STK39: variants seen among roughly 807,000 people sequenced by gnomAD.
The protein encoded by STK39 is STE20/SPS1-related proline-alanine-rich protein kinase.
Under a neutral mutation model 77.8 loss-of-function variants are expected in STK39, and 20 were observed. The ratio of observed to expected loss-of-function variants is 0.26; its 90% CI spans 0.18 to 0.37. The LOEUF (loss-of-function observed/expected upper bound fraction) is 0.37. Ranked by LOEUF, STK39 falls within the 10% of genes least tolerant of loss-of-function variation. The probability of loss-of-function intolerance (pLI) is 1.00; values close to 1 mark genes in which losing one functional copy is unlikely to be tolerated. For synonymous variants in STK39, 246 were observed against 234.1 expected, an observed-to-expected ratio of 1.05 and a Z score of -0.47; for missense variants, 479 against 656.5, an observed-to-expected ratio of 0.73 and a Z score of 2.95.
At chr2:168,204,497 A>G (rs946887227) in intron 1 of STK39, among the ~76,000 whole-genome samples, 11 of 152,228 alleles carry the variant, frequency 7.2e-5, no homozygotes, top group Non-Finnish European at 1.6e-4. Context: ...TGCCCAGGGA[A>G]GGCAAGACCT....
At chr2:168,040,846 A>AATAC in intron 14 of STK39, among the ~76,000 whole-genome samples, 1 of 152,314 alleles carries the variant, frequency 6.6e-6, no homozygotes, top group Non-Finnish European at 1.5e-5. Context: ...CTTGACACTT[A>AATAC]ATACAGCACT....
chr2:168,023,460 A>T (rs1427874041), intron 14 of STK39, among the ~76,000 whole-genome samples: 1 of 152,186 alleles, frequency 6.6e-6, no homozygotes, highest in Non-Finnish European at 1.5e-5. Flanking sequence ...GAGGTGCAGA[A>T]GGCAGGTGCG....
chr2:168,060,128 C>T (rs1685625640), intron 14 of STK39, among the ~76,000 whole-genome samples: 1 of 151,948 alleles, frequency 6.6e-6, no homozygotes, highest in South Asian at 2.1e-4. Flanking sequence ...AAGGACATCC[C>T]CCCCCTTTCC....
chr2:168,112,111 A>G (rs1687133932), intron 10 of STK39, among the ~76,000 whole-genome samples: 1 of 151,672 alleles, frequency 6.6e-6, no homozygotes, highest in African/African-American at 2.4e-5. Flanking sequence ...CTTAAGCAAC[A>G]TTTAAAGAAA....
intron 10 of STK39, among the ~76,000 whole-genome samples, chr2:168,115,147 T>C (rs1278169602): frequency 6.6e-6 from 1 of 152,184 alleles, no homozygotes; most frequent in Non-Finnish European, 1.5e-5. Context: ...CCAGAAGATC[T>C]GGAATTCTCT....
chr2:168,200,535 G>A (rs540671380), intron 1 of STK39, among the ~76,000 whole-genome samples: 3 of 152,194 alleles, frequency 2.0e-5, no homozygotes, highest in South Asian at 4.1e-4. Flanking sequence ...AAATTAGCCA[G>A]GTGTGGTGGC....
In STK39 at chr2:168,189,648, G is replaced by A. The variant is rs575452216; in HGVS notation, c.209-7558C>T. On this transcript the variant is annotated intron_variant, in intron 1 of 17. Coordinates refer to ENST00000355999, the MANE Select transcript of STK39 (RefSeq NM_013233.3). ...GACTCTAATTTCCATCTAATTCAAC[G>A]TGATTAATATTGGAATTTACTTCTA... Among the ~76,000 whole-genome samples the A allele has an allele frequency of 2.6e-5, 4 of 152,222 alleles. No homozygotes were observed. The South Asian group carries it at 6.2e-4, about 24-fold the overall frequency.
rs116139953 is a variant in STK39 at position 167,967,917 on chromosome 2, C to T, written c.1499-3191G>A. Among the ~76,000 whole-genome samples the T allele has an allele frequency of 5.3e-3, 808 of 152,132 alleles. 12 individuals carry two copies. The highest frequency in any genetic ancestry group is 0.019 in the African/African-American group (792 of 41,472). ...TGTTACCCAAGTACTCAGCATAGTA[C>T]TCAATACTTTTTCAACCTTGCCCCC... On this transcript the variant is annotated intron_variant, in intron 16 of 17. Transcript: ENST00000355999.
chr2:168,073,883 G>A (rs776996211), intron 12 of STK39, among the ~76,000 whole-genome samples: 1 of 152,112 alleles, frequency 6.6e-6, no homozygotes, highest in Non-Finnish European at 1.5e-5. Context: ...CTCCAAAAGC[G>A]CTGGGATTAC....
chr2:168,035,273 T>A (rs774780819), intron 14 of STK39, among the ~76,000 whole-genome samples: 1 of 152,232 alleles, frequency 6.6e-6, no homozygotes, highest in African/African-American at 2.4e-5. Context: ...ACCTGACACG[T>A]CATCACCAAC....
At chr2:168,137,708 A>G (rs985542503) in intron 8 of STK39, among the ~76,000 whole-genome samples, 19 of 152,370 alleles carry the variant, frequency 1.2e-4, no homozygotes, top group Admixed American at 1.3e-4. Context: ...TGGAGCTAGC[A>G]GGATATTCAA....
chr2:168,085,741 C>T (rs1317875316), intron 10 of STK39, among the ~76,000 whole-genome samples: 1 of 152,200 alleles, frequency 6.6e-6, no homozygotes, highest in East Asian at 1.9e-4. Flanking sequence ...CCCCACATGT[C>T]CAAGAATCTT....
chr2:168,077,165 C>T (rs1439626418), intron 10 of STK39, among the ~76,000 whole-genome samples: 3 of 152,130 alleles, frequency 2.0e-5, no homozygotes, highest in Non-Finnish European at 2.9e-5. Context: ...AAAACTCTGT[C>T]TTTACTAAAA....
chr2:168,023,704 C>G (rs1182855373), intron 14 of STK39, among the ~76,000 whole-genome samples: 3 of 152,264 alleles, frequency 2.0e-5, no homozygotes, highest in African/African-American at 7.2e-5. Flanking sequence ...ATCCAAAGAC[C>G]ACTCATTGTC....
chr2:168,220,654 A>G (rs1454386071), intron 1 of STK39, among the ~76,000 whole-genome samples: 1 of 152,206 alleles, frequency 6.6e-6, no homozygotes, highest in Non-Finnish European at 1.5e-5. Context: ...AATTGCATCA[A>G]GAAAAATATT....
At chr2:168,089,712 C>T (rs999308534) in intron 10 of STK39, among the ~76,000 whole-genome samples, 2 of 152,212 alleles carry the variant, frequency 1.3e-5, no homozygotes, top group Admixed American at 1.3e-4. Flanking sequence ...CTCCCAGGTC[C>T]TAGCAATTCT....
intron 1 of STK39, among the ~76,000 whole-genome samples, chr2:168,238,746 G>C (rs1240576341): frequency 6.6e-6 from 1 of 152,140 alleles, no homozygotes; most frequent in Non-Finnish European, 1.5e-5. Context: ...TTTCTCTTCT[G>C]CTTTTCAGTT....
intron 14 of STK39, among the ~76,000 whole-genome samples, chr2:168,053,433 A>G (rs80344444): frequency 0.026 from 4,007 of 152,298 alleles, 198 homozygotes; most frequent in African/African-American, 0.092. Flanking sequence ...AAGTCTGGAA[A>G]AATATTTACC....
chr2:168,123,712 T>C (rs1199763215), intron 10 of STK39, among the ~76,000 whole-genome samples: 5 of 151,622 alleles, frequency 3.3e-5, no homozygotes, highest in Admixed American at 1.3e-4. Context: ...CTTCTAAAAA[T>C]ATAAAAATTA....
Sources: gnomAD v4.1 joint callset for allele counts (sites outside exome capture counted in the v4.1 genomes callset) on GRCh38, gnomAD v4.1.1 for gene constraint, MANE v1.5 for transcripts, NCBI Gene and HGNC (gene_info 2026-07-23, HGNC 2026-07-21) for gene names.